Variants in USP42 observed in about 807,000 individuals in gnomAD.
USP42 encodes ubiquitin carboxyl-terminal hydrolase 42.
In USP42, 23 loss-of-function variants were observed where a neutral mutation model predicts 113.0. That is an observed-to-expected ratio of 0.20 (90% CI 0.15 to 0.29). The LOEUF (loss-of-function observed/expected upper bound fraction) is 0.29. Among genes scored for constraint, USP42 ranks in the 10% least tolerant of loss-of-function variants. The pLI is 1.00. For synonymous variants in USP42, 933 were observed against 699.0 expected (o/e 1.33, Z -5.28); for missense variants, 2,174 against 1,779.8 (o/e 1.22, Z -3.99).
chr7:6,095,951 G>A, the USP42 span, among the ~76,000 whole-genome samples: 2 of 150,114 alleles, frequency 1.3e-5, no homozygotes, highest in Non-Finnish European at 2.9e-5. Flanking sequence ...TTTTTGTAGA[G>A]ACAGAGTCTT....
intron 3 of USP42, among the ~76,000 whole-genome samples, chr7:6,123,102 A>C (rs921770410): frequency 3.3e-5 from 5 of 152,122 alleles, no homozygotes; most frequent in Admixed American, 3.3e-4. Flanking sequence ...CTGGGATTAT[A>C]GGTCTGAGCC....
chr7:6,088,663 C>T, the USP42 span: 13 of 151,444 alleles, frequency 8.6e-5, no homozygotes, highest in Non-Finnish European at 1.5e-4. Flanking sequence ...GTCTCATCAT[C>T]GATCTTTCAC....
chr7:6,140,954 TC>T lies in USP42; in HGVS notation c.767del (p.Pro256HisfsTer5). ...GCAAGGGCGTTTCAGATACTTTTGA[TC>T]CATATCTTGATATAACATTGGAGAT... ...NCKGVSDTFDPYLDITLEIKA... is the reference protein window; with the variant it reads ...NCKGVSDTFDXYLDITLEIKA... On this transcript the variant is annotated frameshift_variant, in exon 7 of 18. Coordinates refer to ENST00000306177, the MANE Select transcript of USP42 (RefSeq NM_032172.3). LOFTEE classifies it high-confidence loss of function. The T allele has an allele frequency of 1.3e-6, 2 of 1,559,106 alleles. No individual in the cohort carries two copies. The highest frequency in any genetic ancestry group is 1.7e-6 in the Non-Finnish European group (2 of 1,147,236).
At chr7:6,145,105 G>A (rs934662492) in intron 9 of USP42, among the ~76,000 whole-genome samples, 8 of 152,096 alleles carry the variant, frequency 5.3e-5, no homozygotes, top group Non-Finnish European at 1.2e-4. Flanking sequence ...AGGCCAAGCT[G>A]GGTGGATCAC....
chr7:6,105,636 C>G (rs935333852), intron 1 of USP42, among the ~76,000 whole-genome samples: 6 of 152,218 alleles, frequency 3.9e-5, no homozygotes, highest in Admixed American at 2.0e-4. Context: ...TCCGAGGTGC[C>G]CACGCCGGGC....
Position 6,159,417 on chromosome 7 carries a change from A to G in USP42, c.3944-33A>G, listed in dbSNP as rs1782645950. 1 of 1,613,856 alleles carries G rather than the reference A, an allele frequency of 6.2e-7. No individual in the cohort carries two copies. The highest frequency in any genetic ancestry group is 8.5e-7 in the Non-Finnish European group (1 of 1,179,836). On this transcript the variant is annotated intron_variant, in intron 16 of 17. Coordinates refer to ENST00000306177, the MANE Select transcript of USP42 (RefSeq NM_032172.3). This position sits in a 1 kb window ranked among gnomAD's most constrained non-coding sequence, Gnocchi z 4.1. ...AGGCCCTGGCGATTTTGCAACCATCATTAAAATCTCTTTCCTGACCTTTGC... is the reference window on the plus strand; with the variant it reads ...AGGCCCTGGCGATTTTGCAACCATCGTTAAAATCTCTTTCCTGACCTTTGC...
chr7:6,144,311 A>G, intron 9 of USP42, 115 bp downstream of exon 9: 1 of 665,882 alleles, frequency 1.5e-6, no homozygotes, highest in Non-Finnish European at 2.5e-6. Flanking sequence ...GCTAACTATT[A>G]CCTACATTTG....
chr7:6,147,683 A>G, intron 11 of USP42, 56 bp from the exon 12 acceptor site: 1 of 1,489,332 alleles, frequency 6.7e-7, no homozygotes, highest in Admixed American at 2.4e-5. Context: ...TTGTAAATGA[A>G]TCTCTCCTAA....
chr7:6,155,121 G>A lies in USP42; in HGVS notation c.3567G>A (p.Glu1189=), dbSNP rs764761303. ...GCGAACAGAAGGATCCTCTAGAAGA[G>A]CCTAAAGCAAAGAAGCACAAAAAAT... is the stretch of plus-strand genomic sequence containing the variant. The part of the protein sequence containing the change: ...RRSEQKDPLE[E]PKAKKHKKSK... Residue 1189 remains glutamate, a synonymous_variant, in exon 15 of 18, where the codon GAG becomes GAA. Transcript: ENST00000306177. 1 of 1,556,170 alleles carries A rather than the reference G, an allele frequency of 6.4e-7. No homozygotes were observed. Among genetic ancestry groups the A allele is most frequent in the Admixed American group, 2.0e-5 (1 of 50,980 alleles).
intron 3 of USP42, among the ~76,000 whole-genome samples, chr7:6,127,667 C>G (rs1186400578): frequency 6.6e-6 from 1 of 152,200 alleles, no homozygotes; most frequent in African/African-American, 2.4e-5. Context: ...GTCCTTGTTA[C>G]TGTAGTTATG....
Position 6,150,288 on chromosome 7 carries a change from G to T in USP42, c.2092G>T (p.Gly698Cys). ...AGAAAATCCCTTTGCTAAGGCAAAC[G>T]GTCTTCCTGGAAAGGTGAGTGCACG... Reference protein sequence around the residue: ...HSENPFAKANGLPGKLMPAPL... With the variant: ...HSENPFAKANCLPGKLMPAPL... Residue 698 changes from glycine to cysteine, a missense_variant, in exon 13 of 18, where the codon GGT becomes TGT. Coordinates refer to ENST00000306177, the MANE Select transcript of USP42 (RefSeq NM_032172.3). 6.2e-7 allele frequency: 1 copy of T among 1,612,984 alleles called. No homozygotes were observed. The highest frequency in any genetic ancestry group is 1.1e-5 in the South Asian group (1 of 90,992).
intron 2 of USP42, among the ~76,000 whole-genome samples, chr7:6,112,165 A>G (rs1053320936): frequency 5.9e-5 from 9 of 152,256 alleles, no homozygotes; most frequent in Admixed American, 3.3e-4. Flanking sequence ...AAGAGAGCAG[A>G]TAGGCTAGGC....
chr7:6,114,740 G>T (rs1354517969), intron 2 of USP42, among the ~76,000 whole-genome samples: 2 of 128,352 alleles, frequency 1.6e-5, no homozygotes, highest in African/African-American at 3.0e-5. Context: ...TCCCAGGCTG[G>T]AGTGCAGTGG....
chr7:6,148,556 C>A (rs1781850827), intron 12 of USP42, among the ~76,000 whole-genome samples: 1 of 152,112 alleles, frequency 6.6e-6, no homozygotes, highest in Non-Finnish European at 1.5e-5. Flanking sequence ...TCCATTTAGT[C>A]GTTTCAGGGG....
At chr7:6,097,705 C>T in the USP42 span, among the ~76,000 whole-genome samples, 927 of 150,230 alleles carry the variant, frequency 6.2e-3, 64 homozygotes, top group African/African-American at 0.022. Context: ...ATTCTCCTGC[C>T]TCAGCCTCCC....
At chr7:6,141,307 A>G (rs969822151) in intron 7 of USP42, among the ~76,000 whole-genome samples, 3 of 148,070 alleles carry the variant, frequency 2.0e-5, no homozygotes, top group East Asian at 4.0e-4. Context: ...AGTTCAAGCA[A>G]TTCTTCTGCC....
At chr7:6,107,208 TAA>T (rs1185914579) in intron 1 of USP42, among the ~76,000 whole-genome samples, 1 of 152,178 alleles carries the variant, frequency 6.6e-6, no homozygotes, top group African/African-American at 2.4e-5. Context: ...TTTTTTCACT[TAA>T]GAGGCTTTTG....
rs1337702635 is a variant in USP42 at position 6,155,239 on chromosome 7, T to G, written c.3641+44T>G. Reference sequence around the variant, plus strand: ...GCTCCCCGAGGCGCTGGCGCTGCTGTCAGCAGTGGGGCCTGTCCCTTCTCA... The same window carrying G: ...GCTCCCCGAGGCGCTGGCGCTGCTGGCAGCAGTGGGGCCTGTCCCTTCTCA... On this transcript the variant is annotated intron_variant, in intron 15 of 17. Transcript: ENST00000306177. 4.0e-6 allele frequency: 6 copies of G among 1,482,844 alleles called. No homozygotes were observed. The Admixed American group carries it at 1.3e-4, about 31-fold the overall frequency. The allele number at this position is 1,482,844 out of a possible 1,614,324, so 91.9% of individuals were successfully genotyped here.
Position 6,156,762 on chromosome 7 carries a change from A to G in USP42, c.3650A>G (p.Gln1217Arg). The change falls in exon 16 of 18, where the codon CAG becomes CGG. Residue 1217 changes from glutamine to arginine, a missense_variant. Gln to Arg is a conservative substitution (Grantham distance 43). Coordinates refer to ENST00000306177, the MANE Select transcript of USP42 (RefSeq NM_032172.3). Reference protein sequence around the residue: ...KHRDRDSRHQQDSDLSAACSD... With the variant: ...KHRDRDSRHQRDSDLSAACSD... ...GGCTTTTCCTTCTGCAGGCATCAGC[A>G]GGACTCAGACCTCTCAGCAGCGTGC... The G allele has an allele frequency of 6.5e-7, 1 of 1,544,660 alleles. No homozygotes were observed. Among genetic ancestry groups the G allele is most frequent in the Non-Finnish European group, 8.7e-7 (1 of 1,150,830 alleles).
Sources: allele counts gnomAD v4.1 joint callset (sites outside exome capture counted in the v4.1 genomes callset), GRCh38; gene constraint gnomAD v4.1.1; non-coding constraint Gnocchi (gnomAD v3.1); transcripts MANE v1.5; gene names NCBI Gene and HGNC (gene_info 2026-07-23, HGNC 2026-07-21).